ANGPT1: variants seen among roughly 807,000 people sequenced by gnomAD.
ANGPT1 encodes the protein angiopoietin 1, also known as angiopoietin-1.
Under a neutral mutation model 62.2 loss-of-function variants are expected in ANGPT1, and 17 were observed. The observed-to-expected ratio is 0.27, with a 90% confidence interval of 0.19 to 0.41. The LOEUF is 0.41. ANGPT1 is among the 10% of genes least tolerant of loss of function. The pLI is 1.00. For synonymous variants in ANGPT1, 199 were observed against 198.9 expected, an observed-to-expected ratio of 1.00 and a Z score of 0.00; for missense variants, 478 against 594.9, an observed-to-expected ratio of 0.80 and a Z score of 2.04.
Position 107,251,216 on chromosome 8 carries a change from C to T in ANGPT1, c.*639G>A, listed in dbSNP as rs549807370. The T allele has an allele frequency of 5.3e-5, 8 of 152,268 alleles. 1 individual carries two copies. The Middle Eastern group carries it at 0.02, about 388-fold the overall frequency. 9.4% of individuals were successfully genotyped at this position (152,268 alleles called of 1,614,324 possible). On this transcript the variant is annotated 3_prime_UTR_variant, in exon 9 of 9. Transcript: ENST00000517746. ...CCACACACTTATTGTCCATGTACTA[C>T]AGTTCATTATGGCTTACAAAAATGG...
intron 1 of ANGPT1, among the ~76,000 whole-genome samples, chr8:107,415,542 A>G (rs1294270504): frequency 6.6e-6 from 1 of 152,170 alleles, no homozygotes; most frequent in East Asian, 1.9e-4. Context: ...AACCTCACTC[A>G]AATAGATATC....
At chr8:107,442,864 A>G (rs1438659319) in intron 1 of ANGPT1, among the ~76,000 whole-genome samples, 1 of 152,062 alleles carries the variant, frequency 6.6e-6, no homozygotes, top group Non-Finnish European at 1.5e-5. Flanking sequence ...AAGGTGCTAT[A>G]TTTTTTCTGC....
chr8:107,272,633 T>C (rs1438019385), intron 7 of ANGPT1, among the ~76,000 whole-genome samples: 1 of 151,834 alleles, frequency 6.6e-6, no homozygotes, highest in Admixed American at 6.6e-5. Context: ...AAACTCATGA[T>C]AAATTTTTCC....
At chr8:107,496,176 T>C (rs1279089045) in intron 1 of ANGPT1, among the ~76,000 whole-genome samples, 4 of 152,208 alleles carry the variant, frequency 2.6e-5, no homozygotes, top group Admixed American at 2.6e-4. Context: ...TATCTACATG[T>C]ACCAAGTGAA....
chr8:107,345,631 G>T (rs1010597338), intron 2 of ANGPT1, among the ~76,000 whole-genome samples: 3 of 152,106 alleles, frequency 2.0e-5, no homozygotes, highest in Non-Finnish European at 4.4e-5. Flanking sequence ...TTGTAGGAGA[G>T]GGTGAGCATT....
chr8:107,476,087 A>G (rs1296362317), intron 1 of ANGPT1, among the ~76,000 whole-genome samples: 1 of 152,238 alleles, frequency 6.6e-6, no homozygotes, highest in African/African-American at 2.4e-5. Flanking sequence ...ATTACTGGGT[A>G]TATACTCAAA....
chr8:107,424,220 T>C (rs1810978583), intron 1 of ANGPT1, among the ~76,000 whole-genome samples: 1 of 152,124 alleles, frequency 6.6e-6, no homozygotes. Flanking sequence ...CAATCTTAGT[T>C]GGCTTCAAAA....
chr8:107,335,158 C>T (rs1023645777), intron 3 of ANGPT1, among the ~76,000 whole-genome samples: 1 of 152,224 alleles, frequency 6.6e-6, no homozygotes, highest in African/African-American at 2.4e-5. Context: ...ATTTCGGCCA[C>T]TAGCAAGTTG....
In ANGPT1 at chr8:107,279,048, C is replaced by T. The variant is rs899337612; in HGVS notation, c.1205+5634G>A. The stretch of plus-strand genomic sequence containing the variant: ...CTTCTCAGCCTCCACATCCTGATTC[C>T]GACTCCAGAGCTCCTTCCAGTGGAC... On this transcript the variant is annotated intron_variant, in intron 7 of 8. Coordinates refer to ENST00000517746, the MANE Select transcript of ANGPT1 (RefSeq NM_001146.5). Among the ~76,000 whole-genome samples the T allele has an allele frequency of 2.0e-5, 3 of 152,134 alleles. 1 individual carries two copies. Among genetic ancestry groups the T allele is most frequent in the South Asian group, 4.1e-4 (2 of 4,820 alleles).
At chr8:107,363,016 C>T (rs568381105) in intron 1 of ANGPT1, among the ~76,000 whole-genome samples, 3 of 151,248 alleles carry the variant, frequency 2.0e-5, no homozygotes, top group Admixed American at 6.6e-5. Context: ...TAGAATGTTG[C>T]GGCATGAAGA....
At chr8:107,275,295 A>G (rs910929651) in intron 7 of ANGPT1, among the ~76,000 whole-genome samples, 3 of 152,152 alleles carry the variant, frequency 2.0e-5, no homozygotes, top group Non-Finnish European at 4.4e-5. Context: ...TCTTAGCATC[A>G]TGATTGCTCA....
chr8:107,347,162 T>C, intron 1 of ANGPT1, 65 bp from the exon 2 acceptor site: 1 of 1,495,428 alleles, frequency 6.7e-7, no homozygotes, highest in South Asian at 1.3e-5. Flanking sequence ...GGGCATGTAA[T>C]ATTTACAATA....
chr8:107,310,677 G>A (rs565177780), intron 4 of ANGPT1, among the ~76,000 whole-genome samples: 3 of 152,146 alleles, frequency 2.0e-5, no homozygotes, highest in Admixed American at 1.3e-4. Flanking sequence ...AAGTGAAGCC[G>A]TGACAGCCCA....
intron 1 of ANGPT1, among the ~76,000 whole-genome samples, chr8:107,410,746 G>A (rs910665414): frequency 2.0e-5 from 3 of 152,064 alleles, no homozygotes; most frequent in Non-Finnish European, 2.9e-5. Flanking sequence ...TCCTGCAAGC[G>A]CAAATATATG....
chr8:107,456,442 TA>T (rs1811922078), intron 1 of ANGPT1, among the ~76,000 whole-genome samples: 1 of 152,092 alleles, frequency 6.6e-6, no homozygotes, highest in Non-Finnish European at 1.5e-5. Context: ...CGTTTTGACT[TA>T]TCTTTTAAAT....
At chr8:107,333,988 GGGAGGGAGGGAAGGAAGGAA>G (rs1483414719) in intron 3 of ANGPT1, among the ~76,000 whole-genome samples, 1 of 54,158 alleles carries the variant, frequency 1.8e-5, no homozygotes, top group Non-Finnish European at 4.1e-5. Context: ...GAGGGAGGGA[GGGAGGGAGGGAAGGAAGGAA>G]GGAAGGAAGG....
intron 7 of ANGPT1, among the ~76,000 whole-genome samples, chr8:107,265,940 A>G (rs2130044788): frequency 6.6e-6 from 1 of 152,308 alleles, no homozygotes; most frequent in South Asian, 2.1e-4. Flanking sequence ...AATATTTTAC[A>G]AATATTCTGC....
At chr8:107,387,790 T>A (rs1035821924) in intron 1 of ANGPT1, among the ~76,000 whole-genome samples, 1 of 152,050 alleles carries the variant, frequency 6.6e-6, no homozygotes, top group Non-Finnish European at 1.5e-5. Flanking sequence ...TACCTAGGTT[T>A]TTTTTTAAGA....
chr8:107,318,664 T>G (rs1815077829), intron 4 of ANGPT1, among the ~76,000 whole-genome samples: 1 of 152,086 alleles, frequency 6.6e-6, no homozygotes, highest in Non-Finnish European at 1.5e-5. Flanking sequence ...TGTATGTATT[T>G]ATTCTAGGCC....
Sources: gnomAD v4.1 joint callset for allele counts (sites outside exome capture counted in the v4.1 genomes callset) on GRCh38, gnomAD v4.1.1 for gene constraint, MANE v1.5 for transcripts, NCBI Gene and HGNC (gene_info 2026-07-23, HGNC 2026-07-21) for gene names.